SORCS1: variants seen among roughly 807,000 people sequenced by gnomAD.
The protein encoded by SORCS1 is sortilin related VPS10 domain containing receptor 1.
SORCS1 carries 60 observed loss-of-function variants against 146.1 expected under a neutral mutation model. The ratio of observed to expected loss-of-function variants is 0.41; its 90% CI spans 0.33 to 0.51. The LOEUF is 0.51. SORCS1 is among the 20% of genes least tolerant of loss of function. The pLI is 0.21. For missense variants in SORCS1, 1,352 were observed against 1,487.6 expected (o/e 0.91, Z 1.50); for synonymous variants, 637 against 584.0 (o/e 1.09, Z -1.31).
chr10:106,685,418 T>C (rs1005386520), intron 10 of SORCS1, among the ~76,000 whole-genome samples: 2 of 152,002 alleles, frequency 1.3e-5, no homozygotes, highest in African/African-American at 4.8e-5. Flanking sequence ...GAAAATTAAG[T>C]AGTACACCTG....
chr10:106,786,853 T>C (rs932243229), intron 3 of SORCS1, among the ~76,000 whole-genome samples: 12 of 152,204 alleles, frequency 7.9e-5, no homozygotes, highest in Non-Finnish European at 1.3e-4. Context: ...ATAGATATCT[T>C]GAAGTTGCCA....
At chr10:106,861,425 C>T (rs1281055616) in intron 2 of SORCS1, among the ~76,000 whole-genome samples, 1 of 148,742 alleles carries the variant, frequency 6.7e-6, no homozygotes, top group East Asian at 2.0e-4. Flanking sequence ...AAAGAATATG[C>T]GAAAATAAAT....
chr10:107,008,035 T>C (rs1957530115), intron 1 of SORCS1, among the ~76,000 whole-genome samples: 1 of 147,274 alleles, frequency 6.8e-6, no homozygotes, highest in South Asian at 2.1e-4. Flanking sequence ...AGGTTAATTA[T>C]TCACATTAGA....
intron 3 of SORCS1, among the ~76,000 whole-genome samples, chr10:106,819,366 C>T (rs945807809): frequency 6.6e-6 from 1 of 152,180 alleles, no homozygotes; most frequent in Non-Finnish European, 1.5e-5. Flanking sequence ...GGTCGCCTGG[C>T]TCCAGGGTCC....
rs76323247 is a variant in SORCS1 at position 107,014,891 on chromosome 10, T to C, written c.559-58311A>G. 1.2e-4 allele frequency among the ~76,000 whole-genome samples: 19 copies of C among 152,350 alleles called. 1 individual carries two copies. In the East Asian group the frequency reaches 2.7e-3, roughly 22 times the overall value. Reference sequence around the variant, plus strand: ...TCTTTTCTCCCTCTAAGGATGCTGATATGAATTCCTAAAGGAAGGAATAGC... The same window carrying C: ...TCTTTTCTCCCTCTAAGGATGCTGACATGAATTCCTAAAGGAAGGAATAGC... On this transcript the variant is annotated intron_variant, in intron 1 of 25. Transcript: ENST00000263054.
intron 5 of SORCS1, among the ~76,000 whole-genome samples, chr10:106,739,632 C>A (rs1244069639): frequency 6.6e-6 from 1 of 151,776 alleles, no homozygotes; most frequent in Non-Finnish European, 1.5e-5. Flanking sequence ...ACGATGAAAC[C>A]CCGTCTCTAC....
At chr10:106,747,140 G>C (rs1857802897) in intron 5 of SORCS1, among the ~76,000 whole-genome samples, 2 of 152,172 alleles carry the variant, frequency 1.3e-5, no homozygotes, top group South Asian at 4.1e-4. Flanking sequence ...CATAAACGCA[G>C]GTTCTGTCCC....
chr10:107,035,239 G>T (rs1958844881), intron 1 of SORCS1, among the ~76,000 whole-genome samples: 1 of 129,130 alleles, frequency 7.7e-6, no homozygotes, highest in Non-Finnish European at 1.6e-5. Context: ...AGGCAACTTA[G>T]AGCATTTGGT....
chr10:106,816,656 C>A (rs1023834708), intron 3 of SORCS1, among the ~76,000 whole-genome samples: 5 of 152,084 alleles, frequency 3.3e-5, no homozygotes, highest in Non-Finnish European at 7.4e-5. Flanking sequence ...CACAAAAGGT[C>A]ATTTAATTGA....
chr10:106,688,671 A>C (rs368080649), intron 9 of SORCS1, among the ~76,000 whole-genome samples: 13 of 152,278 alleles, frequency 8.5e-5, no homozygotes, highest in African/African-American at 3.1e-4. Flanking sequence ...AGTAATAATA[A>C]ATAAATAGGG....
chr10:106,996,746 G>A (rs12247406), intron 1 of SORCS1, among the ~76,000 whole-genome samples: 1,864 of 152,218 alleles, frequency 0.012, 28 homozygotes, highest in African/African-American at 0.043. Flanking sequence ...AGAGTGTGTC[G>A]CCTGCATAAT....
rs764444066 is a variant in SORCS1 at position 106,662,850 on chromosome 10, G to A, written c.2303+4839C>T. Reference sequence around the variant, plus strand: ...TGGCATTTGAATTTTAAAGGAGGACGGCACTTAATACAAATGAATCTCTAA... The same window carrying A: ...TGGCATTTGAATTTTAAAGGAGGACAGCACTTAATACAAATGAATCTCTAA... On this transcript the variant is annotated intron_variant, in intron 17 of 25. Transcript: ENST00000263054. Among the ~76,000 whole-genome samples the A allele has an allele frequency of 4.7e-4, 71 of 152,228 alleles. 2 individuals are homozygous for A. The highest frequency in any genetic ancestry group is 9.2e-4 in the Admixed American group (14 of 15,288).
At chr10:106,784,811 G>A (rs571002513) in intron 3 of SORCS1, among the ~76,000 whole-genome samples, 53 of 152,332 alleles carry the variant, frequency 3.5e-4, no homozygotes, top group African/African-American at 1.2e-3. Context: ...TGAGAAGGAA[G>A]AGAGAGCAGG....
At chr10:106,894,565 T>TA (rs1352302957) in intron 2 of SORCS1, among the ~76,000 whole-genome samples, 1 of 152,142 alleles carries the variant, frequency 6.6e-6, no homozygotes, top group East Asian at 1.9e-4. Flanking sequence ...ACCTCCATGG[T>TA]AGAGTTATAA....
At chr10:106,705,308 C>A (rs1854438081) in intron 8 of SORCS1, among the ~76,000 whole-genome samples, 1 of 152,178 alleles carries the variant, frequency 6.6e-6, no homozygotes, top group East Asian at 1.9e-4. Flanking sequence ...AGGCTTACAT[C>A]CCACCTTTCA....
At chr10:107,105,407 A>C (rs1965237421) in intron 1 of SORCS1, among the ~76,000 whole-genome samples, 1 of 152,234 alleles carries the variant, frequency 6.6e-6, no homozygotes, top group African/African-American at 2.4e-5. Context: ...TCACACGATC[A>C]TAAGGTGAAG....
intron 2 of SORCS1, among the ~76,000 whole-genome samples, chr10:106,954,751 C>T (rs1954852886): frequency 6.6e-6 from 1 of 152,140 alleles, no homozygotes; most frequent in Non-Finnish European, 1.5e-5. Flanking sequence ...ATGTTTTTCT[C>T]TTTCTACCTA....
Position 106,782,525 on chromosome 10 carries a change from T to C in SORCS1, c.727-5833A>G, listed in dbSNP as rs979913828. Among the ~76,000 whole-genome samples, 4 of 152,224 alleles carry C rather than the reference T, an allele frequency of 2.6e-5. 1 individual carries two copies. Among genetic ancestry groups the C allele is most frequent in the Non-Finnish European group, 5.9e-5 (4 of 68,040 alleles). On this transcript the variant is annotated intron_variant, in intron 3 of 25. Coordinates refer to ENST00000263054, the MANE Select transcript of SORCS1 (RefSeq NM_052918.5). ...CATTAATTATTATTTGTAACAATAATGAGGAGTCATTCAGTACCTCTTGGC... is the reference window on the plus strand; with the variant it reads ...CATTAATTATTATTTGTAACAATAACGAGGAGTCATTCAGTACCTCTTGGC...
chr10:106,985,539 C>CTTTT (rs575357494), intron 1 of SORCS1, among the ~76,000 whole-genome samples: 2 of 135,104 alleles, frequency 1.5e-5, no homozygotes, highest in African/African-American at 5.5e-5. Flanking sequence ...TTCACTTAAG[C>CTTTT]TTTTTTTTTT....
Sources: gnomAD v4.1 joint callset for allele counts (sites outside exome capture counted in the v4.1 genomes callset) on GRCh38, gnomAD v4.1.1 for gene constraint, MANE v1.5 for transcripts, NCBI Gene and HGNC (gene_info 2026-07-23, HGNC 2026-07-21) for gene names.